UBE4B: variants seen among roughly 807,000 people sequenced by gnomAD.
The protein encoded by UBE4B is ubiquitin conjugation factor E4 B.
Under a neutral mutation model 148.1 loss-of-function variants are expected in UBE4B, and 27 were observed. The ratio of observed to expected loss-of-function variants is 0.18; its 90% CI spans 0.13 to 0.25. UBE4B has a LOEUF of 0.25. UBE4B is among the 10% of genes least tolerant of loss of function. The pLI is 1.00. For missense variants in UBE4B, 1,170 were observed against 1,662.4 expected (o/e 0.70, Z 5.15); for synonymous variants, 596 against 619.3 (o/e 0.96, Z 0.56).
chr1:10,112,706 T>C (rs1570913856), intron 7 of UBE4B, among the ~76,000 whole-genome samples: 1 of 152,330 alleles, frequency 6.6e-6, no homozygotes, highest in Non-Finnish European at 1.5e-5. Flanking sequence ...GCATGTACTA[T>C]ATTCCGCTTT....
chr1:10,057,593 A>T (rs1644199228), intron 1 of UBE4B, among the ~76,000 whole-genome samples: 1 of 150,598 alleles, frequency 6.6e-6, no homozygotes, highest in Admixed American at 6.6e-5. Context: ...TTTTTTAGAG[A>T]TGGAGTCTTG....
intron 17 of UBE4B, 123 bp downstream of exon 17, chr1:10,137,328 T>C: frequency 7.9e-7 from 1 of 1,263,558 alleles, no homozygotes; most frequent in East Asian, 2.4e-5. Flanking sequence ...TATAGTGTTC[T>C]GTCTGCCTCC....
chr1:10,079,709 G>A (rs1280526328), intron 2 of UBE4B, among the ~76,000 whole-genome samples: 1 of 152,214 alleles, frequency 6.6e-6, no homozygotes, highest in Non-Finnish European at 1.5e-5. Flanking sequence ...TGGAACTAGT[G>A]AGAAGCCAGA....
chr1:10,151,266 A>G (rs1645971186), intron 20 of UBE4B, 60 bp from the exon 21 acceptor site: 3 of 1,527,056 alleles, frequency 2.0e-6, no homozygotes, highest in Non-Finnish European at 2.7e-6. Context: ...CCTTCACCCA[A>G]GATGAGTTTC....
chr1:10,134,917 A>G lies in UBE4B; in HGVS notation c.2026-71A>G. 3 of 1,353,366 alleles carry G rather than the reference A, an allele frequency of 2.2e-6. No homozygotes were observed. In the South Asian group the frequency reaches 3.9e-5, roughly 17 times the overall value. The allele number at this position is 1,353,366 out of a possible 1,614,324, so 83.8% of individuals were successfully genotyped here. On this transcript the variant is annotated intron_variant, in intron 15 of 27. Transcript: ENST00000343090. ...ACCCCTTCGCTCCAGCCTGGGCAAC[A>G]GAGTGAGACCCCATCTCAAAAAAAA...
intron 1 of UBE4B, chr1:10,054,605 G>A (rs539326547): frequency 3.8e-5 from 10 of 265,918 alleles, no homozygotes; most frequent in East Asian, 2.8e-4. Flanking sequence ...AGCGCTTAAT[G>A]TGCTCAATAT....
chr1:10,033,840 A>G, intron 1 of UBE4B, 146 bp downstream of exon 1: 2 of 814,356 alleles, frequency 2.5e-6, no homozygotes. Context: ...TGACTCCCCG[A>G]TAGGGTCTCT....
chr1:10,177,386 G>A (rs1190125883), intron 25 of UBE4B, among the ~76,000 whole-genome samples: 1 of 152,114 alleles, frequency 6.6e-6, no homozygotes, highest in Non-Finnish European at 1.5e-5. Flanking sequence ...GCCAGCCGTG[G>A]TGGCGCACAC....
chr1:10,105,856 A>G, intron 6 of UBE4B, 112 bp downstream of exon 6: 1 of 1,084,012 alleles, frequency 9.2e-7, no homozygotes, highest in Non-Finnish European at 1.3e-6. Flanking sequence ...GGTATGGCAT[A>G]TATCATATTT....
At chr1:10,086,033 A>G (rs1257548213) in intron 2 of UBE4B, among the ~76,000 whole-genome samples, 3 of 151,214 alleles carry the variant, frequency 2.0e-5, no homozygotes, top group Non-Finnish European at 2.9e-5. Context: ...GTGCAGTGGC[A>G]CAATCTCCGC....
In UBE4B at chr1:10,178,625, T is replaced by C; in HGVS notation, c.3526-19T>C. 3 of 1,570,874 alleles carry C rather than the reference T, an allele frequency of 1.9e-6. No homozygotes were observed. Among genetic ancestry groups the C allele is most frequent in the Non-Finnish European group, 2.6e-6 (3 of 1,158,692 alleles). On this transcript the variant is annotated intron_variant, in intron 25 of 27. Transcript: ENST00000343090. The stretch of plus-strand genomic sequence containing the variant: ...CCTGACGTACATTTACGTCTCACAT[T>C]GCCATTCCTCCTTTGCAGAGATCCT...
In UBE4B at chr1:10,126,774, T is replaced by C; in HGVS notation, c.1555-20T>C. ...GATTCTCTTAAACTTATATTTCTGATTTTGTTTTTTTTCTTATAGATATTT... is the reference window on the plus strand; with the variant it reads ...GATTCTCTTAAACTTATATTTCTGACTTTGTTTTTTTTCTTATAGATATTT... On this transcript the variant is annotated intron_variant, in intron 10 of 27. Coordinates refer to ENST00000343090, the MANE Select transcript of UBE4B (RefSeq NM_001105562.3). The C allele has an allele frequency of 6.3e-7, 1 of 1,593,660 alleles. No individual in the cohort carries two copies. Among genetic ancestry groups the C allele is most frequent in the Non-Finnish European group, 8.6e-7 (1 of 1,162,076 alleles).
At chr1:10,059,846 C>T (rs1403720953) in intron 1 of UBE4B, among the ~76,000 whole-genome samples, 1 of 152,092 alleles carries the variant, frequency 6.6e-6, no homozygotes, top group Non-Finnish European at 1.5e-5. Context: ...CAGAATGGCA[C>T]CTCTGGGGCA....
At position 10,111,044 on chromosome 1, in the gene UBE4B, G is replaced by GACACACACACAC. The variant is rs55936075; in HGVS notation, c.1196+4499_1196+4510dup. Among the ~76,000 whole-genome samples, 418 of 113,436 alleles carry GACACACACACAC rather than the reference G, an allele frequency of 3.7e-3. 5 individuals carry two copies. Among genetic ancestry groups the GACACACACACAC allele is most frequent in the African/African-American group, 7.8e-3 (240 of 30,854 alleles). 74.4% of individuals were successfully genotyped at this position (113,436 alleles called of 152,430 possible). ...TCTCTCTCTGTCTTTCTCTGTCTCT[G>GACACACACACAC]ACACACACACACACACACACACACA... On this transcript the variant is annotated intron_variant, in intron 7 of 27. Transcript: ENST00000343090.
intron 25 of UBE4B, among the ~76,000 whole-genome samples, chr1:10,173,529 T>C (rs1646369881): frequency 1.3e-5 from 2 of 150,984 alleles, no homozygotes; most frequent in Admixed American, 1.3e-4. Context: ...ACACAAACAC[T>C]GCTTTACTAG....
chr1:10,130,641 T>C (rs754321379), intron 13 of UBE4B, 25 bp downstream of exon 13: 1 of 1,612,998 alleles, frequency 6.2e-7, no homozygotes, highest in Non-Finnish European at 8.5e-7. Flanking sequence ...TACTTGTACT[T>C]TGCTGCCCTT....
rs562254030 is a variant in UBE4B at position 10,060,136 on chromosome 1, T to C, written c.25-11892T>C. Reference sequence around the variant, plus strand: ...GGGTAGATGAATGTAACCTACATGGTGATTTAAAACAAGCAACTACAGTCA... The same window carrying C: ...GGGTAGATGAATGTAACCTACATGGCGATTTAAAACAAGCAACTACAGTCA... On this transcript the variant is annotated intron_variant, in intron 1 of 27. Transcript: ENST00000343090. 8.2e-4 allele frequency among the ~76,000 whole-genome samples: 124 copies of C among 152,142 alleles called. 1 individual carries two copies. In the South Asian group the frequency reaches 0.024, roughly 30 times the overall value.
chr1:10,135,246 AG>A (rs2101952706), intron 16 of UBE4B, 60 bp downstream of exon 16: 2 of 1,477,596 alleles, frequency 1.4e-6, no homozygotes, highest in Non-Finnish European at 1.9e-6. Flanking sequence ...GTGTGCTAGT[AG>A]TTCCTCACAG....
chr1:10,087,767 C>T (rs1295228268), intron 2 of UBE4B, among the ~76,000 whole-genome samples: 1 of 152,170 alleles, frequency 6.6e-6, no homozygotes, highest in African/African-American at 2.4e-5. Context: ...TAGTATTTTT[C>T]CCTTTCCATA....
Sources: gnomAD v4.1 joint callset for allele counts (sites outside exome capture counted in the v4.1 genomes callset) on GRCh38, gnomAD v4.1.1 for gene constraint, MANE v1.5 for transcripts, NCBI Gene and HGNC (gene_info 2026-07-23, HGNC 2026-07-21) for gene names.